Variants in CNTLN observed in about 807,000 individuals in gnomAD.
CNTLN encodes centlein.
Under a neutral mutation model 180.0 loss-of-function variants are expected in CNTLN, and 212 were observed. The observed-to-expected ratio is 1.18, with a 90% CI of 1.05 to 1.32. The LOEUF (loss-of-function observed/expected upper bound fraction) is 1.32, where lower values mean the gene tolerates loss of function less well. Ranked by LOEUF, CNTLN falls within the 40% of genes most tolerant of loss-of-function variation. CNTLN has a pLI of 0.00. For missense variants in CNTLN, 2,095 were observed against 1,610.9 expected (o/e 1.30, Z -5.14); for synonymous variants, 722 against 563.1 (o/e 1.28, Z -3.99).
intron 12 of CNTLN, among the ~76,000 whole-genome samples, chr9:17,356,377 A>G (rs1010277406): frequency 3.3e-5 from 5 of 152,176 alleles, no homozygotes; most frequent in South Asian, 4.1e-4. Context: ...TCAGAATAAG[A>G]TTAACCTAAA....
intron 2 of CNTLN, among the ~76,000 whole-genome samples, chr9:17,192,212 C>T (rs1046453831): frequency 1.3e-5 from 2 of 150,950 alleles, no homozygotes; most frequent in African/African-American, 4.9e-5. Context: ...TGAATTCTTG[C>T]AGTAGCCCTC....
chr9:17,259,795 T>C (rs1826812464), intron 5 of CNTLN, among the ~76,000 whole-genome samples: 1 of 147,672 alleles, frequency 6.8e-6, no homozygotes, highest in Non-Finnish European at 1.5e-5. Flanking sequence ...GATGGTAATT[T>C]ATATTTCTGT....
chr9:17,162,120 T>G (rs1819722998), intron 2 of CNTLN, among the ~76,000 whole-genome samples: 1 of 152,124 alleles, frequency 6.6e-6, no homozygotes, highest in Non-Finnish European at 1.5e-5. Context: ...TATTTCTTTT[T>G]TCTTTTTTTT....
intron 8 of CNTLN, among the ~76,000 whole-genome samples, chr9:17,316,411 G>C (rs1184810296): frequency 2.0e-5 from 3 of 151,992 alleles, no homozygotes. Flanking sequence ...CCTATAATTT[G>C]AGGGCTTAAT....
chr9:17,398,356 A>T (rs1223561582), intron 15 of CNTLN, among the ~76,000 whole-genome samples: 1 of 152,148 alleles, frequency 6.6e-6, no homozygotes, highest in Non-Finnish European at 1.5e-5. Flanking sequence ...TCAAGCTCAA[A>T]TCTGTCTCCC....
chr9:17,397,168 T>A (rs1255840818), intron 15 of CNTLN, among the ~76,000 whole-genome samples: 1 of 151,882 alleles, frequency 6.6e-6, no homozygotes, highest in Non-Finnish European at 1.5e-5. Flanking sequence ...ACTTTTTAAA[T>A]TTTATCATAT....
At chr9:17,172,451 C>T (rs1313539671) in intron 2 of CNTLN, among the ~76,000 whole-genome samples, 6 of 152,010 alleles carry the variant, frequency 3.9e-5, no homozygotes, top group Admixed American at 3.9e-4. Flanking sequence ...CCAATTTTTC[C>T]TCCATTTTTC....
intron 18 of CNTLN, among the ~76,000 whole-genome samples, chr9:17,421,372 A>T (rs564778485): frequency 6.6e-6 from 1 of 152,218 alleles, no homozygotes; most frequent in South Asian, 2.1e-4. Context: ...TAAAAATATG[A>T]TATAAGTATA....
At chr9:17,486,610 C>G (rs1045403502) in intron 24 of CNTLN, among the ~76,000 whole-genome samples, 1 of 152,032 alleles carries the variant, frequency 6.6e-6, no homozygotes. Flanking sequence ...GCTGACAAGT[C>G]AGATTTTGGA....
At chr9:17,489,601 A>C (rs1833047110) in intron 25 of CNTLN, among the ~76,000 whole-genome samples, 1 of 152,012 alleles carries the variant, frequency 6.6e-6, no homozygotes, top group Non-Finnish European at 1.5e-5. Flanking sequence ...GTTTGATAGA[A>C]TGTCATATTG....
rs1404998715 is a variant in CNTLN at position 17,174,691 on chromosome 9, G to A, written c.449+31315G>A. Among the ~76,000 whole-genome samples, 4 of 142,106 alleles carry A rather than the reference G, an allele frequency of 2.8e-5. No individual in the cohort carries two copies. The East Asian group carries it at 6.2e-4, about 22-fold the overall frequency. 93.2% of individuals were successfully genotyped at this position (142,106 alleles called of 152,430 possible). A position where few individuals can be genotyped will look rare whatever the true frequency, so the allele number is the denominator to read the frequency against. ...AGCCTGGGCAACAGCACGAGACTCC[G>A]TCTCAGGAAAAAAAAAAAAAAAAGA... On this transcript the variant is annotated intron_variant, in intron 2 of 25. Coordinates refer to ENST00000380647, the MANE Select transcript of CNTLN (RefSeq NM_017738.4).
intron 2 of CNTLN, among the ~76,000 whole-genome samples, chr9:17,179,199 C>G (rs201005716): frequency 1.4e-5 from 2 of 142,018 alleles, no homozygotes; most frequent in South Asian, 2.2e-4. Context: ...AGCCGAGATC[C>G]CGCCACTGCA....
At chr9:17,364,986 G>T (rs1823691974) in intron 12 of CNTLN, among the ~76,000 whole-genome samples, 1 of 152,138 alleles carries the variant, frequency 6.6e-6, no homozygotes, top group African/African-American at 2.4e-5. Context: ...AGATATTCAG[G>T]TTTTCATTCA....
At chr9:17,327,570 AC>A (rs1554689909) in intron 8 of CNTLN, among the ~76,000 whole-genome samples, 4 of 150,884 alleles carry the variant, frequency 2.7e-5, no homozygotes, top group Non-Finnish European at 5.9e-5. Context: ...TTGTGAAGAG[AC>A]TTTTATTTAT....
chr9:17,403,909 G>T (rs1369736019), intron 15 of CNTLN, among the ~76,000 whole-genome samples: 1 of 151,734 alleles, frequency 6.6e-6, no homozygotes, highest in East Asian at 1.9e-4. Context: ...CCAAGTAGCT[G>T]GGGCTAGAGA....
intron 6 of CNTLN, among the ~76,000 whole-genome samples, chr9:17,293,660 C>A (rs572751451): frequency 2.6e-5 from 4 of 152,212 alleles, no homozygotes; most frequent in African/African-American, 9.7e-5. Context: ...ACTGGAGCTG[C>A]AGTGATGGCT....
chr9:17,307,878 A>G (rs1164771801), intron 7 of CNTLN, among the ~76,000 whole-genome samples: 2 of 151,882 alleles, frequency 1.3e-5, no homozygotes, highest in Non-Finnish European at 2.9e-5. Context: ...TAAATGAGCA[A>G]ACCTAAAAAC....
At chr9:17,277,657 TTAAAC>T (rs1355129006) in intron 6 of CNTLN, among the ~76,000 whole-genome samples, 2 of 152,080 alleles carry the variant, frequency 1.3e-5, no homozygotes, top group East Asian at 1.9e-4. Flanking sequence ...TATATATAGT[TTAAAC>T]TAATAAGTTT....
intron 2 of CNTLN, among the ~76,000 whole-genome samples, chr9:17,209,994 G>T (rs534043535): frequency 6.6e-6 from 1 of 152,110 alleles, no homozygotes; most frequent in Non-Finnish European, 1.5e-5. Flanking sequence ...GAGAAAATTT[G>T]TACATCTTTC....
Sources: allele counts gnomAD v4.1 joint callset (sites outside exome capture counted in the v4.1 genomes callset), GRCh38; gene constraint gnomAD v4.1.1; transcripts MANE v1.5; gene names NCBI Gene and HGNC (gene_info 2026-07-23, HGNC 2026-07-21).